The following CPNE4 variants were observed in gnomAD, a reference collection of about 807,000 sequenced individuals.
The protein encoded by CPNE4 is copine-4.
In CPNE4, 25 loss-of-function variants were observed where a neutral mutation model predicts 67.9. That is an observed-to-expected ratio of 0.37 (90% CI 0.27 to 0.51). CPNE4 has a LOEUF of 0.51. Among genes scored for constraint, CPNE4 ranks in the 20% least tolerant of loss-of-function variants. CPNE4 has a pLI of 0.93. For synonymous variants in CPNE4, 242 were observed against 244.9 expected (o/e 0.99, Z 0.11); for missense variants, 464 against 690.8 (o/e 0.67, Z 3.68).
intron 1 of CPNE4, among the ~76,000 whole-genome samples, chr3:132,000,047 A>T (rs2073391209): frequency 3.2e-5 from 1 of 30,956 alleles, no homozygotes; most frequent in African/African-American, 2.3e-4. Context: ...TACTGAAGGA[A>T]ATAGGCAAAA....
chr3:131,920,295 C>T (rs1441458067), intron 1 of CPNE4, among the ~76,000 whole-genome samples: 4 of 152,236 alleles, frequency 2.6e-5, no homozygotes, highest in Non-Finnish European at 4.4e-5. Flanking sequence ...CATTTTTACT[C>T]GTTTATTTCT....
intron 5 of CPNE4, among the ~76,000 whole-genome samples, chr3:131,687,690 T>A (rs958035431): frequency 3.9e-5 from 6 of 152,224 alleles, no homozygotes; most frequent in Admixed American, 1.3e-4. Context: ...CTCAGCAAAA[T>A]ATTTGTAGGA....
chr3:131,788,020 A>C (rs935754378), intron 2 of CPNE4, among the ~76,000 whole-genome samples: 1 of 152,184 alleles, frequency 6.6e-6, no homozygotes, highest in Non-Finnish European at 1.5e-5. Flanking sequence ...TGGCGAATGT[A>C]CCAAATTTTT....
At chr3:131,932,319 CCT>C (rs1560623551) in intron 1 of CPNE4, among the ~76,000 whole-genome samples, 1 of 152,104 alleles carries the variant, frequency 6.6e-6, no homozygotes, top group Non-Finnish European at 1.5e-5. Flanking sequence ...CCATTAAATA[CCT>C]CTGTGTCAAA....
intron 2 of CPNE4, among the ~76,000 whole-genome samples, chr3:131,808,052 C>G (rs370109057): frequency 2.0e-5 from 3 of 152,172 alleles, no homozygotes; most frequent in African/African-American, 7.2e-5. Context: ...AGCAGCAACA[C>G]TGAAACTCAG....
At chr3:131,583,979 G>C (rs923507009) in intron 8 of CPNE4, among the ~76,000 whole-genome samples, 7 of 152,104 alleles carry the variant, frequency 4.6e-5, no homozygotes, top group African/African-American at 1.7e-4. Flanking sequence ...AGAAGGTCTT[G>C]GAGTAGCTCT....
chr3:132,029,316 C>A (rs114692466), intron 1 of CPNE4, among the ~76,000 whole-genome samples: 1,886 of 152,252 alleles, frequency 0.012, 34 homozygotes, highest in African/African-American at 0.04. Context: ...ACCTTTTGTC[C>A]CCTCTCCGCA....
At chr3:131,862,964 T>G (rs2086757126) in intron 2 of CPNE4, among the ~76,000 whole-genome samples, 1 of 149,428 alleles carries the variant, frequency 6.7e-6, no homozygotes, top group African/African-American at 2.4e-5. Context: ...CGGTGTTTGG[T>G]TTTTTGTCCT....
intron 1 of CPNE4, among the ~76,000 whole-genome samples, chr3:131,948,069 TTTA>T (rs2071612469): frequency 6.6e-6 from 1 of 152,230 alleles, no homozygotes; most frequent in Non-Finnish European, 1.5e-5. Flanking sequence ...TCAGCAATGT[TTTA>T]TTGTTTTCAA....
At chr3:131,896,160 C>G (rs1028474266) in intron 2 of CPNE4, among the ~76,000 whole-genome samples, 1 of 151,910 alleles carries the variant, frequency 6.6e-6, no homozygotes, top group Non-Finnish European at 1.5e-5. Flanking sequence ...TAATGGAAAG[C>G]TGGTTCAACC....
At chr3:131,813,431 T>C (rs998875757) in intron 2 of CPNE4, among the ~76,000 whole-genome samples, 2 of 149,570 alleles carry the variant, frequency 1.3e-5, no homozygotes, top group African/African-American at 2.4e-5. Flanking sequence ...TGTGTATACA[T>C]ACAATATAGA....
At chr3:131,810,125 G>A (rs2084466126) in intron 2 of CPNE4, among the ~76,000 whole-genome samples, 1 of 152,114 alleles carries the variant, frequency 6.6e-6, no homozygotes, top group South Asian at 2.1e-4. Context: ...GTAGGGGAAA[G>A]GCTTCTTGAC....
chr3:131,806,549 CAA>C (rs58302207), intron 2 of CPNE4, among the ~76,000 whole-genome samples: 44 of 72,938 alleles, frequency 6.0e-4, no homozygotes, highest in South Asian at 5.1e-3. Context: ...GACTCCGTCT[CAA>C]AAAAAAAAAA....
At chr3:131,891,612 C>T (rs2088118341) in intron 2 of CPNE4, among the ~76,000 whole-genome samples, 2 of 151,960 alleles carry the variant, frequency 1.3e-5, no homozygotes, top group African/African-American at 4.8e-5. Context: ...GTATGTTGTT[C>T]CCTGCTATGT....
intron 7 of CPNE4, among the ~76,000 whole-genome samples, chr3:131,663,949 T>G (rs1272591612): frequency 6.6e-6 from 1 of 152,116 alleles, no homozygotes; most frequent in East Asian, 1.9e-4. Context: ...CTCTCCTACA[T>G]AAGGCATGGG....
intron 2 of CPNE4, among the ~76,000 whole-genome samples, chr3:131,786,620 G>C (rs934733549): frequency 6.6e-6 from 1 of 152,118 alleles, no homozygotes; most frequent in African/African-American, 2.4e-5. Flanking sequence ...AAGGCACCTA[G>C]GGTAAAGCAG....
At chr3:131,708,957 G>GATTATATATATATATAT (rs1472179364) in intron 3 of CPNE4, among the ~76,000 whole-genome samples, 1 of 65,800 alleles carries the variant, frequency 1.5e-5, no homozygotes, top group African/African-American at 4.6e-5. Context: ...AGGGCATAAA[G>GATTATATATATATATAT]ATATATATAT....
chr3:131,721,420 G>T (rs2081883544), intron 3 of CPNE4, among the ~76,000 whole-genome samples: 1 of 134,250 alleles, frequency 7.4e-6, no homozygotes, highest in Non-Finnish European at 1.6e-5. Context: ...TTTTGAGACG[G>T]AGTCTTGCTC....
intron 11 of CPNE4, among the ~76,000 whole-genome samples, chr3:131,557,536 G>A (rs1196943039): frequency 1.3e-5 from 2 of 152,046 alleles, no homozygotes; most frequent in Non-Finnish European, 2.9e-5. Context: ...GAGATACAAG[G>A]AAGCTGGAAT....
Sources: gnomAD v4.1 joint callset for allele counts (sites outside exome capture counted in the v4.1 genomes callset) on GRCh38, gnomAD v4.1.1 for gene constraint, MANE v1.5 for transcripts, NCBI Gene and HGNC (gene_info 2026-07-23, HGNC 2026-07-21) for gene names.